FBN2: variants seen among roughly 807,000 people sequenced by gnomAD.
FBN2 encodes fibrillin-2.
In FBN2, 105 loss-of-function variants were observed where a neutral mutation model predicts 355.6. The observed-to-expected ratio is 0.30, with a 90% CI of 0.25 to 0.35. FBN2 has a LOEUF of 0.35. Among genes scored for constraint, FBN2 ranks in the 10% least tolerant of loss-of-function variants. The probability of loss-of-function intolerance (pLI) is 1.00; values close to 1 mark genes in which losing one functional copy is unlikely to be tolerated. For synonymous variants in FBN2, 1,350 were observed against 1,301.2 expected (o/e 1.04, Z -0.81); for missense variants, 3,280 against 3,758.7 (o/e 0.87, Z 3.33).
At chr5:128,458,145 C>CA (rs893107433) in intron 6 of FBN2, among the ~76,000 whole-genome samples, 16 of 151,610 alleles carry the variant, frequency 1.1e-4, no homozygotes, top group African/African-American at 3.6e-4. Flanking sequence ...AAAAGGAAAG[C>CA]AAAAAAATGC....
chr5:128,283,233 CA>C (rs1404266436), intron 55 of FBN2, among the ~76,000 whole-genome samples: 5 of 152,182 alleles, frequency 3.3e-5, no homozygotes, highest in Non-Finnish European at 5.9e-5. Context: ...TAAAACAATA[CA>C]AAAAACTCTC....
Position 128,258,259 on chromosome 5 carries a change from T to G in FBN2, c.*1196A>C, listed in dbSNP as rs1454356196. 1 of 152,584 alleles carries G rather than the reference T, an allele frequency of 6.6e-6. No individual in the cohort carries two copies. Among genetic ancestry groups the G allele is most frequent in the Non-Finnish European group, 1.5e-5 (1 of 68,044 alleles). The allele number at this position is 152,584 out of a possible 1,614,324, so 9.5% of individuals were successfully genotyped here. ...AGCACATCCTGGTACAATATCTTTT[T>G]AAATGACTAAAGCAAACTAAACATC... On this transcript the variant is annotated 3_prime_UTR_variant, in exon 65 of 65. Transcript: ENST00000262464.
Position 128,522,989 on chromosome 5 carries a change from T to C in FBN2, c.533-3621A>G, listed in dbSNP as rs77657448. On this transcript the variant is annotated intron_variant, in intron 4 of 64. Coordinates refer to ENST00000262464, the MANE Select transcript of FBN2 (RefSeq NM_001999.4). ...CTAGAAGGAGAAAACACACTGTTTT[T>C]CCTGTGTGGGTTGGTTGCATACTGT... Among the ~76,000 whole-genome samples the C allele has an allele frequency of 8.2e-3, 1,242 of 152,272 alleles. 13 individuals are homozygous for C. The highest frequency in any genetic ancestry group is 0.027 in the Middle Eastern group (8 of 294).
At chr5:128,389,666 G>GC (rs1324767368) in intron 11 of FBN2, among the ~76,000 whole-genome samples, 1 of 152,204 alleles carries the variant, frequency 6.6e-6, no homozygotes, top group Non-Finnish European at 1.5e-5. Context: ...TCCTGTCCCT[G>GC]CCCCCTATCC....
intron 6 of FBN2, among the ~76,000 whole-genome samples, chr5:128,451,500 A>G (rs1754245177): frequency 6.6e-6 from 1 of 152,104 alleles, no homozygotes; most frequent in Non-Finnish European, 1.5e-5. Flanking sequence ...CCTGGGTTCA[A>G]GCGATTGTCC....
At chr5:128,483,038 T>C (rs1406194356) in intron 5 of FBN2, among the ~76,000 whole-genome samples, 1 of 152,188 alleles carries the variant, frequency 6.6e-6, no homozygotes, top group Admixed American at 6.5e-5. Context: ...GAGGCCATTA[T>C]CCTAAGTGAA....
chr5:128,330,422 T>A, intron 33 of FBN2, 151 bp downstream of exon 33: 4 of 763,350 alleles, frequency 5.2e-6, no homozygotes, highest in Non-Finnish European at 8.8e-6. Flanking sequence ...GTGTTTAATG[T>A]AAGAGAAAGA....
chr5:128,329,281 G>A (rs1184159099), intron 33 of FBN2, among the ~76,000 whole-genome samples: 1 of 152,044 alleles, frequency 6.6e-6, no homozygotes, highest in South Asian at 2.1e-4. Context: ...ATGGGAATGG[G>A]GAAAGTTTCT....
intron 39 of FBN2, among the ~76,000 whole-genome samples, chr5:128,311,069 T>C (rs1176411079): frequency 6.6e-6 from 1 of 152,122 alleles, no homozygotes; most frequent in Non-Finnish European, 1.5e-5. Flanking sequence ...ATTTTCCCAA[T>C]TTATATTTAA....
At chr5:128,289,990 A>G (rs147109500) in intron 50 of FBN2, 43 bp from the exon 51 acceptor site, 1 of 1,125,958 alleles carries the variant, frequency 8.9e-7, no homozygotes. Flanking sequence ...AAGACTTGAA[A>G]TTATCAAAGA....
chr5:128,334,802 C>G lies in FBN2; in HGVS notation c.4016G>C (p.Gly1339Ala). Reference protein sequence around the residue: ...CDLNSNICMFGECENTKGSFI... With the variant: ...CDLNSNICMFAECENTKGSFI... Reference sequence around the variant, plus strand: ...GGATCCCTTTGTGTTCTCACATTCCCCAAACATGCAGATATTTGAATTTAG... The same window carrying G: ...GGATCCCTTTGTGTTCTCACATTCCGCAAACATGCAGATATTTGAATTTAG... Residue 1339 changes from glycine (G) to alanine (A), a missense_variant, in exon 31 of 65, where the codon GGG becomes GCG. By Grantham distance (60) the Gly-to-Ala change is moderately conservative (BLOSUM62 0). This residue lies in a region of FBN2 where 2,284 missense variants were observed against 2,749.5 expected (regional missense o/e 0.83). Transcript: ENST00000262464. 1 of 1,613,076 alleles carries G rather than the reference C, an allele frequency of 6.2e-7. No homozygotes were observed. Among genetic ancestry groups the G allele is most frequent in the Non-Finnish European group, 8.5e-7 (1 of 1,179,054 alleles).
In FBN2 at chr5:128,259,353, G is replaced by T. The variant is rs1454404846; in HGVS notation, c.*102C>A. On this transcript the variant is annotated 3_prime_UTR_variant, in exon 65 of 65. Transcript: ENST00000262464. ...TAAGACAGGGAGGAAAGAAACAAGAGTTATTATTATTTTTCCTCTTTAAAA... is the reference window on the plus strand; with the variant it reads ...TAAGACAGGGAGGAAAGAAACAAGATTTATTATTATTTTTCCTCTTTAAAA... 2.9e-6 allele frequency: 4 copies of T among 1,372,338 alleles called. No individual in the cohort carries two copies. The East Asian group carries it at 6.9e-5, about 24-fold the overall frequency. 85.0% of individuals were successfully genotyped at this position (1,372,338 alleles called of 1,614,324 possible). A position where few individuals can be genotyped will look rare whatever the true frequency, so the allele number is the denominator to read the frequency against.
At chr5:128,504,788 G>T (rs187683641) in intron 5 of FBN2, among the ~76,000 whole-genome samples, 396 of 152,294 alleles carry the variant, frequency 2.6e-3, no homozygotes, top group African/African-American at 9.3e-3. Context: ...CTAAGACTTT[G>T]GAGAGTTGTT....
chr5:128,436,124 G>A (rs6863348), intron 7 of FBN2, among the ~76,000 whole-genome samples: 31 of 152,180 alleles, frequency 2.0e-4, no homozygotes, highest in African/African-American at 9.7e-5. Flanking sequence ...ACTAGTGCAC[G>A]CCATTTGTGG....
chr5:128,427,811 C>A (rs577673771), intron 7 of FBN2, among the ~76,000 whole-genome samples: 45 of 152,254 alleles, frequency 3.0e-4, no homozygotes, highest in African/African-American at 1.0e-3. Context: ...CTGATTTTCC[C>A]TGCTGGGCAC....
intron 62 of FBN2, among the ~76,000 whole-genome samples, chr5:128,265,117 A>G (rs1013200456): frequency 2.6e-5 from 4 of 152,222 alleles, no homozygotes; most frequent in Non-Finnish European, 5.9e-5. Flanking sequence ...ACTTGGCTAC[A>G]TAAGATGTAA....
intron 51 of FBN2, 65 bp downstream of exon 51, chr5:128,289,812 TATAAA>T: frequency 1.1e-6 from 1 of 912,826 alleles, no homozygotes. Flanking sequence ...TAGCATGAGT[TATAAA>T]ATAAATGTAA....
At chr5:128,513,630 A>G (rs76202648) in intron 5 of FBN2, among the ~76,000 whole-genome samples, 4,425 of 152,324 alleles carry the variant, frequency 0.029, 231 homozygotes, top group African/African-American at 0.1. Flanking sequence ...TCTAAACAGC[A>G]GACTCTTAAA....
intron 11 of FBN2, among the ~76,000 whole-genome samples, chr5:128,391,045 C>T (rs1284143856): frequency 6.6e-6 from 1 of 152,066 alleles, no homozygotes; most frequent in Non-Finnish European, 1.5e-5. Context: ...TTTCAAATGA[C>T]CAATGCATGT....
Sources: allele counts gnomAD v4.1 joint callset (sites outside exome capture counted in the v4.1 genomes callset), GRCh38; gene constraint gnomAD v4.1.1; regional missense constraint gnomAD v4.1.1; transcripts MANE v1.5; gene names NCBI Gene and HGNC (gene_info 2026-07-23, HGNC 2026-07-21).